The following SMARCAL1 variants were observed in gnomAD, a reference collection of about 807,000 sequenced individuals.
SMARCAL1 encodes the protein ATP-driven annealing helicase.
A neutral mutation model predicts 94.5 loss-of-function variants in SMARCAL1; 58 were observed. That is an observed-to-expected ratio of 0.61 (90% confidence interval 0.50 to 0.76). The LOEUF (loss-of-function observed/expected upper bound fraction) is 0.76, where lower values mean the gene tolerates loss of function less well. Ranked by LOEUF, SMARCAL1 falls within the 30% of genes least tolerant of loss-of-function variation. SMARCAL1 has a pLI of 0.00. For missense variants in SMARCAL1, 1,051 were observed against 1,177.9 expected (o/e 0.89, Z 1.58); for synonymous variants, 422 against 455.1 (o/e 0.93, Z 0.93).
At chr2:216,415,660 G>C in intron 3 of SMARCAL1, 145 bp downstream of exon 3, 1 of 772,570 alleles carries the variant, frequency 1.3e-6, no homozygotes, top group Non-Finnish European at 2.1e-6. Context: ...ATTTTAGCTT[G>C]TTTCCCTTCA....
At chr2:216,416,553 C>T (rs1015003006) in intron 4 of SMARCAL1, among the ~76,000 whole-genome samples, 5 of 152,124 alleles carry the variant, frequency 3.3e-5, no homozygotes, top group African/African-American at 4.8e-5. Context: ...TATTCTAAGC[C>T]CCTTATGCTA....
Position 216,464,119 on chromosome 2 carries a change from A to G in SMARCAL1, c.2071-478A>G, listed in dbSNP as rs74269471. ...AGGGTCCATTGGAATTGATTCAGTA[A>G]ATCTTGGACAGAGGTAAGCTCTGTA... is the stretch of plus-strand genomic sequence containing the variant. On this transcript the variant is annotated intron_variant, in intron 12 of 17. Transcript: ENST00000357276. Among the ~76,000 whole-genome samples the G allele has an allele frequency of 1.3e-3, 200 of 152,342 alleles. 5 individuals carry two copies. In the East Asian group the frequency reaches 0.033, roughly 25 times the overall value.
chr2:216,450,867 T>C lies in SMARCAL1; in HGVS notation c.1873T>C (p.Ser625Pro). The change falls in exon 12 of 18, where the codon TCA (serine) becomes CCA (proline). Residue 625 changes from serine (S) to proline (P), a missense_variant. Physicochemically the swap from Ser to Pro is moderately conservative, Grantham distance 74. This residue lies in a region of SMARCAL1 where 642 missense variants were observed against 754.7 expected (regional missense o/e 0.85). Transcript: ENST00000357276. The stretch of plus-strand genomic sequence containing the variant: ...GCAGATGCCTTGGGGGTGGGACTAC[T>C]CAGGTTCCTCCAACCTGGGAGAGCT... Reference protein sequence around the residue: ...AKRMPWGWDYSGSSNLGELKL... With the variant: ...AKRMPWGWDYPGSSNLGELKL... 6.2e-7 allele frequency: 1 copy of C among 1,614,046 alleles called. No individual in the cohort carries two copies. Among genetic ancestry groups the C allele is most frequent in the Non-Finnish European group, 8.5e-7 (1 of 1,179,968 alleles).
rs1694127613 is a variant in SMARCAL1 at position 216,438,505 on chromosome 2, G to A, written c.1710+20G>A. ...CTAAAGGTGAGTACTTCTGAGAACT[G>A]AGCCCACTGAGCATTGGCATCCCAT... On this transcript the variant is annotated intron_variant, in intron 10 of 17. Transcript: ENST00000357276. The A allele has an allele frequency of 8.7e-6, 14 of 1,606,050 alleles. No individual in the cohort carries two copies. Among genetic ancestry groups the A allele is most frequent in the Non-Finnish European group, 1.2e-5 (14 of 1,173,306 alleles).
intron 4 of SMARCAL1, among the ~76,000 whole-genome samples, chr2:216,416,776 G>A (rs756679933): frequency 1.3e-5 from 2 of 152,172 alleles, no homozygotes; most frequent in Non-Finnish European, 2.9e-5. Flanking sequence ...TCCCAGGAAG[G>A]TAACAGTTCA....
At chr2:216,442,854 A>G (rs1464768567) in intron 10 of SMARCAL1, among the ~76,000 whole-genome samples, 2 of 152,204 alleles carry the variant, frequency 1.3e-5, no homozygotes, top group Non-Finnish European at 2.9e-5. Context: ...GGGGAGTAGA[A>G]AATGCAATCC....
At chr2:216,446,237 G>T (rs1037497426) in intron 10 of SMARCAL1, among the ~76,000 whole-genome samples, 1 of 152,124 alleles carries the variant, frequency 6.6e-6, no homozygotes, top group Non-Finnish European at 1.5e-5. Flanking sequence ...CATTGCTGTT[G>T]ACCAACTATT....
Position 216,482,859 on chromosome 2 carries a change from G to C in SMARCAL1, c.2747G>C (p.Gly916Ala), listed in dbSNP as rs1287531302. 2 of 1,614,170 alleles carry C rather than the reference G, an allele frequency of 1.2e-6. No homozygotes were observed. The highest frequency in any genetic ancestry group is 1.1e-5 in the South Asian group (1 of 91,082). The change falls in exon 18 of 18, where the codon GGA becomes GCA. Residue 916 changes from glycine (G) to alanine (A), a missense_variant. Physicochemically the swap from Gly to Ala is moderately conservative, Grantham distance 60 (BLOSUM62 0). Transcript: ENST00000357276. This position sits in a 1 kb window ranked among gnomAD's most constrained non-coding sequence, Gnocchi z 4.3. ...FDPGSASGTS[G>A]SSSQNMGDTL... ...CCAGGAAGTGCTTCAGGAACATCTG[G>C]AAGTAGTTCCCAGAACATGGGAGAC...
rs758472664 is a variant in SMARCAL1, at chr2:216,415,355, G to T, written c.651G>T (p.Arg217Ser). 5.6e-6 allele frequency: 9 copies of T among 1,614,080 alleles called. No homozygotes were observed. The East Asian group carries it at 2.0e-4, about 36-fold the overall frequency. Reference sequence around the variant, plus strand: ...CTAGCTCAGAGAGTGTAACGCCCAGGACAGAAGGAAGACTCCAGCAGAAGT... The same window carrying T: ...CTAGCTCAGAGAGTGTAACGCCCAGTACAGAAGGAAGACTCCAGCAGAAGT... ...IHSSSESVTP[R>S]TEGRLQQKSG... is the part of the protein sequence containing the mutation. Residue 217 changes from arginine to serine, a missense_variant, in exon 3 of 18, where the codon AGG becomes AGT. Arg to Ser is a moderately radical substitution (Grantham distance 110, BLOSUM62 -1). This residue lies in a region of SMARCAL1 where 398 missense variants were observed against 395.2 expected (regional missense o/e 1.01). Transcript: ENST00000357276.
intron 12 of SMARCAL1, among the ~76,000 whole-genome samples, chr2:216,458,952 A>T (rs1275548441): frequency 6.6e-6 from 1 of 152,170 alleles, no homozygotes; most frequent in African/African-American, 2.4e-5. Context: ...TCAGCCCCAA[A>T]TCTCCTTAAG....
chr2:216,447,018 G>A lies in SMARCAL1; in HGVS notation c.1711G>A (p.Val571Ile), dbSNP rs762132251. Residue 571 changes from valine (V) to isoleucine (I), a missense_variant and splice_region_variant, in exon 11 of 18, where the codon GTT (valine) becomes ATT (isoleucine). Val to Ile is a conservative substitution (Grantham distance 29). This residue lies in a region of SMARCAL1 where 642 missense variants were observed against 754.7 expected (regional missense o/e 0.85). Transcript: ENST00000357276. ...GCACCTTTGGCTGTTTGTCTTTTAGGTTGCCAAGAGGGTGATCCTGTTGTC... is the reference window on the plus strand; with the variant it reads ...GCACCTTTGGCTGTTTGTCTTTTAGATTGCCAAGAGGGTGATCCTGTTGTC... The part of the protein sequence containing the change: ...RCRAAMPVLK[V>I]AKRVILLSGT... 5.0e-6 allele frequency: 8 copies of A among 1,613,866 alleles called. No individual in the cohort carries two copies. The South Asian group carries it at 6.6e-5, about 13-fold the overall frequency.
At chr2:216,464,515 C>T (rs780738676) in intron 12 of SMARCAL1, 82 bp from the exon 13 acceptor site, 23 of 998,328 alleles carry the variant, frequency 2.3e-5, no homozygotes, top group Non-Finnish European at 3.4e-5. Flanking sequence ...ATTTGTAAAG[C>T]GCATAGGAGC....
rs1238050763 is a variant in SMARCAL1 at position 216,464,738 on chromosome 2, A to G, written c.2141+71A>G. 5 of 1,055,910 alleles carry G rather than the reference A, an allele frequency of 4.7e-6. No homozygotes were observed. The Admixed American group carries it at 6.8e-5, about 14-fold the overall frequency. 65.4% of individuals were successfully genotyped at this position (1,055,910 alleles called of 1,614,324 possible). ...AAAAAAAAAAACAACTTATTACTTT[A>G]TTCTGCCTGAATGATTTTACTGCGT... On this transcript the variant is annotated intron_variant, in intron 13 of 17. Transcript: ENST00000357276.
rs1695224902 is a variant in SMARCAL1 at position 216,482,595 on chromosome 2, C to A, written c.2626-143C>A. On this transcript the variant is annotated intron_variant, in intron 17 of 17. Transcript: ENST00000357276. The surrounding 1 kb of genome is among the most constrained non-coding windows in gnomAD (Gnocchi z 4.3). ...TTAGTGATGGTTTGCTGAGATGATG[C>A]ACACTTGCCATCGTGTAGCTCCCTG... is the stretch of plus-strand genomic sequence containing the variant. 1.8e-6 allele frequency: 2 copies of A among 1,138,080 alleles called. No homozygotes were observed. Among genetic ancestry groups the A allele is most frequent in the East Asian group, 2.3e-5 (1 of 42,666 alleles). The allele number at this position is 1,138,080 out of a possible 1,614,324, so 70.5% of individuals were successfully genotyped here. A position where few individuals can be genotyped will look rare whatever the true frequency, so the allele number is the denominator to read the frequency against.
At chr2:216,422,487 A>G (rs1214665687) in intron 5 of SMARCAL1, among the ~76,000 whole-genome samples, 2 of 152,212 alleles carry the variant, frequency 1.3e-5, no homozygotes, top group African/African-American at 4.8e-5. Context: ...GATCCTGCTC[A>G]CACCCAGGTG....
At chr2:216,417,105 T>G (rs1419592664) in intron 4 of SMARCAL1, among the ~76,000 whole-genome samples, 1 of 152,212 alleles carries the variant, frequency 6.6e-6, no homozygotes, top group Non-Finnish European at 1.5e-5. Context: ...AAGATAAGGA[T>G]GTATGCTTAG....
At chr2:216,416,708 A>T (rs1042828414) in intron 4 of SMARCAL1, among the ~76,000 whole-genome samples, 1 of 152,204 alleles carries the variant, frequency 6.6e-6, no homozygotes, top group Non-Finnish European at 1.5e-5. Context: ...ACACGTTCCC[A>T]CCAGACTATG....
At chr2:216,453,677 G>A (rs1025758263) in intron 12 of SMARCAL1, among the ~76,000 whole-genome samples, 1 of 152,142 alleles carries the variant, frequency 6.6e-6, no homozygotes, top group South Asian at 2.1e-4. Flanking sequence ...GAATAAGGAG[G>A]CCCTGTGGAT....
chr2:216,419,533 T>TCACAAA (rs1693668333), intron 4 of SMARCAL1, among the ~76,000 whole-genome samples: 1 of 151,674 alleles, frequency 6.6e-6, no homozygotes, highest in Non-Finnish European at 1.5e-5. Flanking sequence ...GTTTGTGACC[T>TCACAAA]GGTGATCCTG....
Sources: allele counts gnomAD v4.1 joint callset (sites outside exome capture counted in the v4.1 genomes callset), GRCh38; gene constraint gnomAD v4.1.1; regional missense constraint gnomAD v4.1.1; non-coding constraint Gnocchi (gnomAD v3.1); transcripts MANE v1.5; gene names NCBI Gene and HGNC (gene_info 2026-07-23, HGNC 2026-07-21).